CCDC81: variants seen among roughly 807,000 people sequenced by gnomAD.
CCDC81 encodes the protein coiled-coil domain-containing protein 81.
A neutral mutation model predicts 83.7 loss-of-function variants in CCDC81; 79 were observed. That is an observed-to-expected ratio of 0.94 (90% confidence interval 0.79 to 1.14). The LOEUF (loss-of-function observed/expected upper bound fraction) is 1.14. CCDC81 is among the 50% of genes most tolerant of loss of function. CCDC81 has a pLI of 0.00. For synonymous variants in CCDC81, 252 were observed against 278.1 expected (o/e 0.91, Z 0.93); for missense variants, 791 against 778.1 (o/e 1.02, Z -0.20).
chr11:86,414,671 T>A (rs1168249170), intron 11 of CCDC81, 118 bp from the exon 12 acceptor site: 9 of 646,308 alleles, frequency 1.4e-5, no homozygotes, highest in Non-Finnish European at 2.1e-5. Flanking sequence ...AACATCAATT[T>A]TTATTTACCA....
intron 5 of CCDC81, among the ~76,000 whole-genome samples, chr11:86,396,201 T>G (rs1374959185): frequency 6.6e-6 from 1 of 152,254 alleles, no homozygotes; most frequent in Non-Finnish European, 1.5e-5. Context: ...GGTTGCATAT[T>G]ACTGTATTTA....
rs759232484 is a variant in CCDC81 at position 86,387,518 on chromosome 11, G to A, written c.144G>A (p.Gly48=). The A allele has an allele frequency of 1.2e-5, 19 of 1,613,416 alleles. No homozygotes were observed. The Middle Eastern group carries it at 5.0e-4, about 42-fold the overall frequency. ...FVRRQLTLHK[G]VQIPAFGTFT... ...TTTGTTTTGTTTTTTCCTTTCAGGG[G>A]GTTCAGATTCCAGCATTTGGAACTT... is the stretch of plus-strand genomic sequence containing the variant. Residue 48 remains glycine (G), a splice_region_variant and synonymous_variant, in exon 3 of 15, where the codon GGG becomes GGA. Transcript: ENST00000445632.
At chr11:86,409,941 A>T (rs1948618724) in intron 10 of CCDC81, among the ~76,000 whole-genome samples, 1 of 152,042 alleles carries the variant, frequency 6.6e-6, no homozygotes, top group Non-Finnish European at 1.5e-5. Context: ...GAGAGGAGGG[A>T]GCAGTATACT....
In CCDC81 at chr11:86,385,709, G is replaced by A. The variant is rs1948233117; in HGVS notation, c.80-342G>A. Reference sequence around the variant, plus strand: ...CAGAATAGACACCCGATAAACGGTTGCTGGGTCATTAAGAAAAGGTTGGGT... The same window carrying A: ...CAGAATAGACACCCGATAAACGGTTACTGGGTCATTAAGAAAAGGTTGGGT... On this transcript the variant is annotated intron_variant, in intron 1 of 14. Transcript: ENST00000445632. Among the ~76,000 whole-genome samples the A allele has an allele frequency of 2.6e-5, 4 of 152,294 alleles. No homozygotes were observed. The South Asian group carries it at 8.3e-4, about 32-fold the overall frequency.
chr11:86,409,241 T>C lies in CCDC81; in HGVS notation c.1114-20T>C. 7.9e-7 allele frequency: 1 copy of C among 1,264,648 alleles called. No individual in the cohort carries two copies. Among genetic ancestry groups the C allele is most frequent in the Non-Finnish European group, 1.1e-6 (1 of 940,542 alleles). 78.3% of individuals were successfully genotyped at this position (1,264,648 alleles called of 1,614,324 possible). A position where few individuals can be genotyped will look rare whatever the true frequency, so the allele number is the denominator to read the frequency against. On this transcript the variant is annotated intron_variant, in intron 9 of 14. Coordinates refer to ENST00000445632, the MANE Select transcript of CCDC81 (RefSeq NM_001156474.2). The stretch of plus-strand genomic sequence containing the variant: ...TAATTTAAAATTTAAAAATAAACTT[T>C]TTTTTTTTTTAAACAATAGATGAAA...
chr11:86,378,169 A>T (rs1173946695), intron 1 of CCDC81, among the ~76,000 whole-genome samples: 1 of 151,786 alleles, frequency 6.6e-6, no homozygotes, highest in African/African-American at 2.4e-5. Context: ...CACTGTCTTG[A>T]TGACTCAGCT....
chr11:86,397,859 CT>C (rs903122931), intron 6 of CCDC81, 117 bp downstream of exon 6: 9,056 of 1,076,306 alleles, frequency 8.4e-3, no homozygotes, highest in South Asian at 0.013. Context: ...ATTATTATTA[CT>C]TTTTTTTTTG....
At chr11:86,405,149 A>C (rs1948547743) in intron 7 of CCDC81, among the ~76,000 whole-genome samples, 1 of 152,152 alleles carries the variant, frequency 6.6e-6, no homozygotes, top group Admixed American at 6.5e-5. Flanking sequence ...ATGATGGTAT[A>C]TTTTTCAGTA....
chr11:86,418,189 AG>A (rs1275221794), intron 13 of CCDC81, among the ~76,000 whole-genome samples: 1 of 152,224 alleles, frequency 6.6e-6, no homozygotes, highest in African/African-American at 2.4e-5. Flanking sequence ...CACATCCATC[AG>A]GATAGCTACT....
intron 14 of CCDC81, 36 bp from the exon 15 acceptor site, chr11:86,422,538 G>A: frequency 6.3e-7 from 1 of 1,594,854 alleles, no homozygotes; most frequent in East Asian, 2.3e-5. Flanking sequence ...GGAACTCCAG[G>A]AACCTGCTGA....
chr11:86,400,405 G>A (rs549654503), intron 6 of CCDC81, among the ~76,000 whole-genome samples: 1 of 152,284 alleles, frequency 6.6e-6, no homozygotes, highest in East Asian at 1.9e-4. Flanking sequence ...CATGAGAAAT[G>A]TTAACTAAAC....
chr11:86,400,182 C>T (rs1205383843), intron 6 of CCDC81, among the ~76,000 whole-genome samples: 1 of 150,152 alleles, frequency 6.7e-6, no homozygotes, highest in Admixed American at 6.7e-5. Context: ...GTGACTTATA[C>T]ATTTTGCATC....
intron 1 of CCDC81, among the ~76,000 whole-genome samples, chr11:86,381,459 G>C (rs1378435203): frequency 6.6e-6 from 1 of 152,070 alleles, no homozygotes; most frequent in East Asian, 1.9e-4. Flanking sequence ...AAATATGTGG[G>C]GACCCTCCCT....
At chr11:86,384,855 GAT>G (rs1352674447) in intron 1 of CCDC81, among the ~76,000 whole-genome samples, 1 of 152,294 alleles carries the variant, frequency 6.6e-6, no homozygotes, top group Admixed American at 6.5e-5. Context: ...TGTTAACACA[GAT>G]ATAATTTTCT....
intron 10 of CCDC81, among the ~76,000 whole-genome samples, chr11:86,411,624 G>A (rs1593937494): frequency 1.3e-5 from 2 of 152,122 alleles, no homozygotes; most frequent in African/African-American, 4.8e-5. Context: ...GTCCTTGCAT[G>A]ATTTCGCATG....
chr11:86,405,511 C>T (rs923118199), intron 7 of CCDC81, among the ~76,000 whole-genome samples: 1 of 152,084 alleles, frequency 6.6e-6, no homozygotes, highest in African/African-American at 2.4e-5. Flanking sequence ...TTTCTATTTA[C>T]TGTGCATTTA....
At position 86,422,558 on chromosome 11, in the gene CCDC81, G is replaced by A; in HGVS notation, c.1818-16G>A. On this transcript the variant is annotated splice_polypyrimidine_tract_variant and intron_variant, in intron 14 of 14. Coordinates refer to ENST00000445632, the MANE Select transcript of CCDC81 (RefSeq NM_001156474.2). Reference sequence around the variant, plus strand: ...TCCAGGAACCTGCTGATCGGCATTTGCTCTCCTCTCCTCAGGGCTTCAGAC... The same window carrying A: ...TCCAGGAACCTGCTGATCGGCATTTACTCTCCTCTCCTCAGGGCTTCAGAC... The A allele has an allele frequency of 1.9e-6, 3 of 1,606,506 alleles. No individual in the cohort carries two copies. The highest frequency in any genetic ancestry group is 1.3e-5 in the African/African-American group (1 of 74,882).
intron 13 of CCDC81, among the ~76,000 whole-genome samples, chr11:86,417,718 T>G (rs1469576551): frequency 6.6e-6 from 1 of 152,132 alleles, no homozygotes; most frequent in Non-Finnish European, 1.5e-5. Flanking sequence ...GGGGCTGCTG[T>G]GTCCAATGTA....
At chr11:86,415,707 T>C (rs1360108846) in intron 13 of CCDC81, among the ~76,000 whole-genome samples, 4 of 152,168 alleles carry the variant, frequency 2.6e-5, no homozygotes, top group South Asian at 2.1e-4. Flanking sequence ...AGGGTTTTGC[T>C]CTGTCACCCA....
Sources: allele counts gnomAD v4.1 joint callset (sites outside exome capture counted in the v4.1 genomes callset), GRCh38; gene constraint gnomAD v4.1.1; transcripts MANE v1.5; gene names NCBI Gene and HGNC (gene_info 2026-07-23, HGNC 2026-07-21).